ALLC: variants seen among roughly 807,000 people sequenced by gnomAD.
ALLC encodes probable inactive allantoicase.
Under a neutral mutation model 45.0 loss-of-function variants are expected in ALLC, and 40 were observed. The observed-to-expected ratio is 0.89, with a 90% CI of 0.69 to 1.16. ALLC has a LOEUF of 1.16. ALLC is among the 50% of genes most tolerant of loss of function. The probability of loss-of-function intolerance (pLI) is 0.00; values close to 1 mark genes in which losing one functional copy is unlikely to be tolerated. For missense variants in ALLC, 488 were observed against 493.1 expected (o/e 0.99, Z 0.10); for synonymous variants, 176 against 178.1 (o/e 0.99, Z 0.09).
intron 7 of ALLC, among the ~76,000 whole-genome samples, chr2:3,693,870 C>T (rs1367234085): frequency 6.6e-6 from 1 of 152,138 alleles, no homozygotes; most frequent in Non-Finnish European, 1.5e-5. Flanking sequence ...TGCCTGTAAT[C>T]CCGGCTAGTT....
rs1666723591 is a variant in ALLC at position 3,666,328 on chromosome 2, T to C, written c.-62-4768T>C. On this transcript the variant is annotated intron_variant, in intron 1 of 11. Coordinates refer to ENST00000252505, the MANE Select transcript of ALLC (RefSeq NM_018436.4). ...AGAACCGCTGGTGTATCCAGTGTTT[T>C]GTAGTGACTTAGCGTATCACACAGT... 2.0e-5 allele frequency among the ~76,000 whole-genome samples: 3 copies of C among 152,228 alleles called. No individual in the cohort carries two copies. In the South Asian group the frequency reaches 6.2e-4, roughly 31 times the overall value.
intron 1 of ALLC, among the ~76,000 whole-genome samples, chr2:3,670,016 G>C (rs1347301661): frequency 6.6e-6 from 1 of 152,176 alleles, no homozygotes; most frequent in African/African-American, 2.4e-5. Context: ...GAGGGCGCAG[G>C]AGGAGGAGAC....
At chr2:3,701,226 C>T (rs1209966470) in intron 10 of ALLC, among the ~76,000 whole-genome samples, 2 of 152,230 alleles carry the variant, frequency 1.3e-5, no homozygotes, top group Admixed American at 6.5e-5. Context: ...ATTCAGATTT[C>T]AAAGTGAGAA....
chr2:3,652,533 A>T, the ALLC span, among the ~76,000 whole-genome samples: 32 of 148,692 alleles, frequency 2.2e-4, no homozygotes, highest in Non-Finnish European at 4.4e-4. Context: ...CAAACAGCGT[A>T]TATCAGTTAG....
Position 3,671,148 on chromosome 2 carries a change from C to T in ALLC, c.-10C>T. Reference sequence around the variant, plus strand: ...GAAGACTGACCCGGTTTCTGGACTTCACCCAGCTGATGGACATGGCATCTG... The same window carrying T: ...GAAGACTGACCCGGTTTCTGGACTTTACCCAGCTGATGGACATGGCATCTG... On this transcript the variant is annotated 5_prime_UTR_variant, in exon 2 of 12. Transcript: ENST00000252505. 6.2e-7 allele frequency: 1 copy of T among 1,610,780 alleles called. No homozygotes were observed. The highest frequency in any genetic ancestry group is 8.5e-7 in the Non-Finnish European group (1 of 1,178,638).
upstream of ALLC, among the ~76,000 whole-genome samples, chr2:3,656,051 G>GGACA (rs1666431808): frequency 6.6e-6 from 1 of 152,246 alleles, no homozygotes; most frequent in Admixed American, 6.5e-5. Flanking sequence ...CCTGAAGAGT[G>GGACA]GACATTTCCT....
chr2:3,697,665 A>ATC (rs1294548662), intron 10 of ALLC, among the ~76,000 whole-genome samples: 1 of 143,354 alleles, frequency 7.0e-6, no homozygotes. Context: ...CTATCTATCT[A>ATC]TCTTTTATTT....
In ALLC at chr2:3,681,664, C is replaced by T. The variant is rs13426642; in HGVS notation, c.329C>T (p.Thr110Ile). The T allele has an allele frequency of 0.18, 291,436 of 1,606,134 alleles. 28,244 individuals are homozygous for T. Among genetic ancestry groups the T allele is most frequent in the African/African-American group, 0.31 (22,882 of 74,576 alleles). The change falls in exon 6 of 12, where the codon ACC (threonine) becomes ATC (isoleucine). Residue 110 changes from threonine (T) to isoleucine (I), a missense_variant. Coordinates refer to ENST00000252505, the MANE Select transcript of ALLC (RefSeq NM_018436.4). ...CTACCAGAAATCCCAGAAAGAGGAA[C>T]CAGGACAGGAGCTGCAGCCACTCCT... Reference protein sequence around the residue: ...DKLPEIPERGTRTGAAATPEE... With the variant: ...DKLPEIPERGIRTGAAATPEE...
intron 11 of ALLC, 67 bp from the exon 12 acceptor site, chr2:3,702,296 C>T (rs946243358): frequency 9.8e-6 from 14 of 1,422,806 alleles, no homozygotes; most frequent in Non-Finnish European, 1.3e-5. Context: ...TTGCCCGGGC[C>T]GTGGGCTCAT....
At chr2:3,654,932 C>T (rs1054551479), upstream of ALLC, among the ~76,000 whole-genome samples, 30 of 152,238 alleles carry the variant, frequency 2.0e-4, no homozygotes, top group African/African-American at 6.5e-4. Flanking sequence ...CAAGTTAGCA[C>T]GAATTAGAGG....
chr2:3,655,602 T>G (rs1200517082), upstream of ALLC, among the ~76,000 whole-genome samples: 1 of 152,154 alleles, frequency 6.6e-6, no homozygotes, highest in African/African-American at 2.4e-5. Context: ...AATACAGGTG[T>G]GTGTCATCAT....
intron 1 of ALLC, among the ~76,000 whole-genome samples, chr2:3,662,053 A>T (rs973678246): frequency 1.3e-5 from 2 of 152,178 alleles, no homozygotes; most frequent in African/African-American, 4.8e-5. Flanking sequence ...TGAGCCCTGA[A>T]CTTCAGAGCT....
At chr2:3,655,383 C>T (rs1446902164), upstream of ALLC, among the ~76,000 whole-genome samples, 1 of 152,156 alleles carries the variant, frequency 6.6e-6, no homozygotes, top group East Asian at 1.9e-4. Context: ...CACATGTGTC[C>T]CAGGAGTGTT....
At chr2:3,682,771 C>T (rs1275876424) in intron 6 of ALLC, among the ~76,000 whole-genome samples, 171 bp from the exon 7 acceptor site, 4 of 152,292 alleles carry the variant, frequency 2.6e-5, no homozygotes, top group South Asian at 4.1e-4. Context: ...GTGATCCGCC[C>T]GCCTCGGCCT....
chr2:3,655,001 G>A (rs1666410458), upstream of ALLC, among the ~76,000 whole-genome samples: 1 of 152,210 alleles, frequency 6.6e-6, no homozygotes, highest in Admixed American at 6.5e-5. Context: ...CCGCTCCCTG[G>A]ACCCTCTCTC....
intron 7 of ALLC, among the ~76,000 whole-genome samples, chr2:3,687,287 T>G (rs1237833717): frequency 6.6e-6 from 1 of 151,110 alleles, no homozygotes; most frequent in Non-Finnish European, 1.5e-5. Flanking sequence ...TGGAATGAAT[T>G]CCACTTGATC....
Position 3,679,935 on chromosome 2 carries a change from C to G in ALLC, c.239C>G (p.Ser80Cys), listed in dbSNP as rs201007073. 80 of 1,614,012 alleles carry G rather than the reference C, an allele frequency of 5.0e-5. 1 individual carries two copies. The African/African-American group carries it at 9.6e-4, about 19-fold the overall frequency. Residue 80 changes from serine (S) to cysteine (C), a missense_variant, in exon 5 of 12, where the codon TCT (serine) becomes TGT (cysteine). Ser to Cys is a moderately radical substitution (Grantham distance 112). Coordinates refer to ENST00000252505, the MANE Select transcript of ALLC (RefSeq NM_018436.4). The part of the protein sequence containing the change: ...GVIRGFDVDV[S>C]YFTGDYAPRV... Reference sequence around the variant, plus strand: ...ATCCGGGGCTTCGACGTGGACGTTTCTTACTTCACGGGAGATTACGCTCCT... The same window carrying G: ...ATCCGGGGCTTCGACGTGGACGTTTGTTACTTCACGGGAGATTACGCTCCT...
rs767637180 is a variant in ALLC at position 3,674,079 on chromosome 2, T to C, written c.38T>C (p.Leu13Ser). ...MASESVGGKILFATDDFFAPA... is the reference protein window; with the variant it reads ...MASESVGGKISFATDDFFAPA... ...TTTCTTTCTTTCTTTGTCTAGATTT[T>C]ATTTGCAACAGATGACTTTTTTGCT... is the stretch of plus-strand genomic sequence containing the variant. Residue 13 changes from leucine (L) to serine (S), a missense_variant, in exon 3 of 12, where the codon TTA becomes TCA. Physicochemically the swap from Leu to Ser is moderately radical, Grantham distance 145. Transcript: ENST00000252505. The C allele has an allele frequency of 1.3e-6, 2 of 1,553,018 alleles. No individual in the cohort carries two copies. The highest frequency in any genetic ancestry group is 2.0e-4 in the Middle Eastern group (1 of 4,976).
intron 7 of ALLC, among the ~76,000 whole-genome samples, chr2:3,692,301 T>C (rs746504740): frequency 2.6e-5 from 4 of 152,198 alleles, no homozygotes; most frequent in African/African-American, 7.2e-5. Flanking sequence ...CTGGGCCACA[T>C]TGGAAGAGGA....
Sources: allele counts gnomAD v4.1 joint callset (sites outside exome capture counted in the v4.1 genomes callset), GRCh38; gene constraint gnomAD v4.1.1; transcripts MANE v1.5; gene names NCBI Gene and HGNC (gene_info 2026-07-23, HGNC 2026-07-21).